Variants in MEIOSIN observed in about 807,000 individuals in gnomAD.
MEIOSIN encodes the protein meiosis initiator, also known as meiosis initiator protein.
A neutral mutation model predicts 23.4 loss-of-function variants in MEIOSIN; 18 were observed. That is an observed-to-expected ratio of 0.77 (90% CI 0.53 to 1.14). MEIOSIN has a LOEUF of 1.14. Among genes scored for constraint, MEIOSIN ranks in the 50% most tolerant of loss-of-function variants. MEIOSIN has a pLI of 0.00. For synonymous variants in MEIOSIN, 187 were observed against 100.6 expected, an observed-to-expected ratio of 1.86 and a Z score of -5.14; for missense variants, 428 against 242.9, an observed-to-expected ratio of 1.76 and a Z score of -5.07.
chr19:45,758,797 C>T, intron 9 of MEIOSIN, 81 bp from the exon 10 acceptor site: 1 of 653,914 alleles, frequency 1.5e-6, no homozygotes, highest in Non-Finnish European at 2.8e-6. Flanking sequence ...GCATCAGGCA[C>T]TATCTCCTCA....
chr19:45,752,965 C>T lies in MEIOSIN; in HGVS notation c.419-686C>T, dbSNP rs149512576. Among the ~76,000 whole-genome samples, 6 of 149,584 alleles carry T rather than the reference C, an allele frequency of 4.0e-5. 1 individual carries two copies. The East Asian group carries it at 7.9e-4, about 20-fold the overall frequency. ...TGAGGCGGAGTCTCGCTCTTTTCGC[C>T]CAGGCTGGAGTGAAGTGGCGAAATT... On this transcript the variant is annotated intron_variant, in intron 5 of 14. Transcript: ENST00000457052.
chr19:45,744,263 G>C (rs1326258035), intron 3 of MEIOSIN, among the ~76,000 whole-genome samples: 4 of 151,214 alleles, frequency 2.6e-5, no homozygotes, highest in Non-Finnish European at 1.5e-5. Context: ...CAAGTGATCA[G>C]CCCACCTCAG....
rs147513922 is a variant in MEIOSIN, at chr19:45,756,416, T to TTTTG, written c.911+355_911+358dup. On this transcript the variant is annotated intron_variant, in intron 8 of 14. Transcript: ENST00000457052. Reference sequence around the variant, plus strand: ...AGGCCTGCAGCATAGAGTCCAATATTTTTGTTTGTTTGTTTGTTTGAGACA... The same window carrying TTTTG: ...AGGCCTGCAGCATAGAGTCCAATATTTTTGTTTGTTTGTTTGTTTGTTTGAGACA... Among the ~76,000 whole-genome samples, 2,302 of 152,138 alleles carry TTTTG rather than the reference T, an allele frequency of 0.015. 187 individuals carry two copies. In the East Asian group the frequency reaches 0.26, roughly 17 times the overall value.
intron 3 of MEIOSIN, among the ~76,000 whole-genome samples, chr19:45,741,146 G>A (rs1434304363): frequency 1.3e-5 from 2 of 151,978 alleles, no homozygotes; most frequent in Non-Finnish European, 2.9e-5. Context: ...TCAGGAGTTC[G>A]AGACCAGTCT....
At position 45,745,290 on chromosome 19, in the gene MEIOSIN, C is replaced by T. The variant is rs1032854928; in HGVS notation, c.275C>T (p.Ala92Val). 1 of 702,808 alleles carries T rather than the reference C, an allele frequency of 1.4e-6. No individual in the cohort carries two copies. The highest frequency in any genetic ancestry group is 1.7e-5 in the African/African-American group (1 of 57,220). 43.5% of individuals were successfully genotyped at this position (702,808 alleles called of 1,614,324 possible). A position where few individuals can be genotyped will look rare whatever the true frequency, so the allele number is the denominator to read the frequency against. Residue 92 changes from alanine (A) to valine (V), a missense_variant, in exon 4 of 15, where the codon GCC becomes GTC. Ala to Val is a moderately conservative substitution (Grantham distance 64). Coordinates refer to ENST00000457052, the MANE Select transcript of MEIOSIN (RefSeq NM_001310124.2). ...GAGTTGGCACTGCTGCTGCCCATAG[C>T]CCTGAAGACGGGGACCAAGAAGCTC... is the stretch of plus-strand genomic sequence containing the variant. The part of the protein sequence containing the change: ...LQELALLLPI[A>V]LKTGTKKLTK...
intron 4 of MEIOSIN, among the ~76,000 whole-genome samples, chr19:45,745,802 C>T (rs1270962774): frequency 1.3e-5 from 2 of 152,144 alleles, no homozygotes; most frequent in African/African-American, 4.8e-5. Context: ...AAATTCCTGA[C>T]CTCAGGCGAT....
intron 2 of MEIOSIN, 30 bp downstream of exon 2, chr19:45,735,477 C>A (rs1968393369): frequency 1.5e-6 from 1 of 686,084 alleles, no homozygotes; most frequent in Non-Finnish European, 2.7e-6. Flanking sequence ...CCCTTATAGC[C>A]CCAGCCACTC....
intron 2 of MEIOSIN, among the ~76,000 whole-genome samples, chr19:45,739,025 C>A (rs1451523318): frequency 6.6e-6 from 1 of 152,144 alleles, no homozygotes; most frequent in Admixed American, 6.6e-5. Flanking sequence ...TCAGGGATGT[C>A]GGCCTTGGCT....
Position 45,758,807 on chromosome 19 carries a change from A to G in MEIOSIN, c.1013-71A>G, listed in dbSNP as rs1052879927. On this transcript the variant is annotated intron_variant, in intron 9 of 14. Coordinates refer to ENST00000457052, the MANE Select transcript of MEIOSIN (RefSeq NM_001310124.2). The stretch of plus-strand genomic sequence containing the variant: ...CCGTAGCATCAGGCACTATCTCCTC[A>G]ATGCCAGCTGCTGTGCTAGGGCAGA... 1.2e-5 allele frequency: 8 copies of G among 667,198 alleles called. No homozygotes were observed. In the African/African-American group the frequency reaches 1.2e-4, roughly 10 times the overall value. 41.3% of individuals were successfully genotyped at this position (667,198 alleles called of 1,614,324 possible).
At chr19:45,746,047 C>A (rs1349272103) in intron 4 of MEIOSIN, among the ~76,000 whole-genome samples, 1 of 152,216 alleles carries the variant, frequency 6.6e-6, no homozygotes, top group African/African-American at 2.4e-5. Flanking sequence ...CAGCTCACTG[C>A]AGCCTCTGCT....
chr19:45,758,495 T>C (rs762896314), intron 9 of MEIOSIN, among the ~76,000 whole-genome samples: 5 of 152,108 alleles, frequency 3.3e-5, no homozygotes, highest in African/African-American at 7.2e-5. Flanking sequence ...AGTGGCACGA[T>C]CTCGGCTCAC....
chr19:45,753,120 C>G (rs1369508283), intron 5 of MEIOSIN, among the ~76,000 whole-genome samples: 1 of 152,016 alleles, frequency 6.6e-6, no homozygotes, highest in Non-Finnish European at 1.5e-5. Context: ...GTGTTGAGGA[C>G]TGGTCATGAA....
chr19:45,751,808 G>A (rs1204456439), intron 5 of MEIOSIN, among the ~76,000 whole-genome samples: 2 of 151,396 alleles, frequency 1.3e-5, no homozygotes, highest in African/African-American at 2.4e-5. Context: ...TTGGCTCACC[G>A]CAACCTCTGC....
At chr19:45,751,735 T>TTTC (rs1491559654) in intron 5 of MEIOSIN, among the ~76,000 whole-genome samples, 2 of 31,952 alleles carry the variant, frequency 6.3e-5, no homozygotes, top group African/African-American at 3.9e-4. Context: ...TCTTTCTTTC[T>TTTC]TTTTTTTTTT....
At position 45,747,573 on chromosome 19, in the gene MEIOSIN, C is replaced by G. The variant is rs181450199; in HGVS notation, c.306+2252C>G. ...GGGCCTAGCAAGAGCAGAGAGCAGA[C>G]AGCAGACAGCAGTAACAACCGTTCC... is the stretch of plus-strand genomic sequence containing the variant. On this transcript the variant is annotated intron_variant, in intron 4 of 14. Transcript: ENST00000457052. 6.8e-4 allele frequency among the ~76,000 whole-genome samples: 104 copies of G among 152,348 alleles called. 3 individuals are homozygous for G. The highest frequency in any genetic ancestry group is 2.4e-3 in the African/African-American group (98 of 41,574).
At chr19:45,751,524 TTTTG>T (rs940100013) in intron 5 of MEIOSIN, among the ~76,000 whole-genome samples, 1 of 151,542 alleles carries the variant, frequency 6.6e-6, no homozygotes, top group African/African-American at 2.4e-5. Context: ...TTTTGTTTTG[TTTTG>T]TTTTTTGTTT....
Position 45,751,272 on chromosome 19 carries a change from AAATAATAATAAT to A in MEIOSIN, c.418+515_418+526del, listed in dbSNP as rs145142679. Among the ~76,000 whole-genome samples the A allele has an allele frequency of 1.8e-4, 25 of 136,418 alleles. 1 individual carries two copies. The highest frequency in any genetic ancestry group is 7.3e-4 in the South Asian group (3 of 4,102). The allele number at this position is 136,418 out of a possible 152,430, so 89.5% of individuals were successfully genotyped here. On this transcript the variant is annotated intron_variant, in intron 5 of 14. Coordinates refer to ENST00000457052, the MANE Select transcript of MEIOSIN (RefSeq NM_001310124.2). ...GGGCAACAGAGCAAGACTGTGTCTCAAATAATAATAATAATAATAATAATAATAATAATAATA... is the reference window on the plus strand; with the variant it reads ...GGGCAACAGAGCAAGACTGTGTCTCAAATAATAATAATAATAATAATAATA...
In MEIOSIN at chr19:45,754,731, C is replaced by A; in HGVS notation, c.802+7C>A. On this transcript the variant is annotated splice_region_variant and intron_variant, in intron 7 of 14. Coordinates refer to ENST00000457052, the MANE Select transcript of MEIOSIN (RefSeq NM_001310124.2). ...ATCCACTGTGACATCTCAAGTGGGT[C>A]TCTTTCCTCACTCTGAACTTAGTCT... The A allele has an allele frequency of 2.8e-6, 2 of 702,940 alleles. No homozygotes were observed. Among genetic ancestry groups the A allele is most frequent in the South Asian group, 3.0e-5 (2 of 67,582 alleles). 43.5% of individuals were successfully genotyped at this position (702,940 alleles called of 1,614,324 possible).
chr19:45,757,658 T>C (rs1316416773), intron 9 of MEIOSIN, among the ~76,000 whole-genome samples: 2 of 152,070 alleles, frequency 1.3e-5, no homozygotes, highest in Non-Finnish European at 2.9e-5. Flanking sequence ...GTAGCTGGGA[T>C]TACAGGTGCC....
Sources: allele counts gnomAD v4.1 joint callset (sites outside exome capture counted in the v4.1 genomes callset), GRCh38; gene constraint gnomAD v4.1.1; transcripts MANE v1.5; gene names NCBI Gene and HGNC (gene_info 2026-07-23, HGNC 2026-07-21).